URI1: variants seen among roughly 807,000 people sequenced by gnomAD.
URI1 encodes the protein URI1 prefoldin like chaperone.
Under a neutral mutation model 60.2 loss-of-function variants are expected in URI1, and 39 were observed. The ratio of observed to expected loss-of-function variants is 0.65; its 90% CI spans 0.50 to 0.85. The LOEUF (loss-of-function observed/expected upper bound fraction) is 0.85, where lower values mean the gene tolerates loss of function less well. Among genes scored for constraint, URI1 ranks in the 40% least tolerant of loss-of-function variants. The pLI is 0.00. For missense variants in URI1, 691 were observed against 665.9 expected, an observed-to-expected ratio of 1.04 and a Z score of -0.42; for synonymous variants, 251 against 236.8, an observed-to-expected ratio of 1.06 and a Z score of -0.55.
At chr19:29,929,477 A>G (rs1002751327) in intron 1 of URI1, among the ~76,000 whole-genome samples, 98 of 152,090 alleles carry the variant, frequency 6.4e-4, no homozygotes, top group South Asian at 5.8e-3. Context: ...GGTGCCTGTA[A>G]TCCCAGCTAC....
intron 6 of URI1, among the ~76,000 whole-genome samples, chr19:30,006,551 C>T (rs978397194): frequency 6.6e-6 from 1 of 151,966 alleles, no homozygotes; most frequent in African/African-American, 2.4e-5. Context: ...AAATTATGAG[C>T]GCTACAGGTC....
intron 2 of URI1, among the ~76,000 whole-genome samples, chr19:29,983,729 A>C (rs771502223): frequency 6.6e-6 from 1 of 152,206 alleles, no homozygotes; most frequent in East Asian, 1.9e-4. Context: ...GCATCTTGGC[A>C]TAGGCTGCTG....
At chr19:29,960,768 T>G (rs2055312793) in intron 1 of URI1, among the ~76,000 whole-genome samples, 1 of 152,202 alleles carries the variant, frequency 6.6e-6, no homozygotes, top group African/African-American at 2.4e-5. Context: ...TCCTGATATA[T>G]TTAATTTTAT....
At chr19:29,970,171 G>A (rs1013688547) in intron 1 of URI1, among the ~76,000 whole-genome samples, 10 of 140,026 alleles carry the variant, frequency 7.1e-5, no homozygotes, top group African/African-American at 2.7e-4. Context: ...GGACGGGATG[G>A]TGAAACATTG....
At chr19:29,966,137 GATTT>G (rs989712287) in intron 1 of URI1, among the ~76,000 whole-genome samples, 2 of 152,030 alleles carry the variant, frequency 1.3e-5, no homozygotes, top group Admixed American at 6.6e-5. Context: ...TATGGTGGTT[GATTT>G]ATTTATTTAT....
At chr19:30,011,358 G>A (rs768692681) in intron 9 of URI1, 122 bp downstream of exon 9, 103 of 1,310,018 alleles carry the variant, frequency 7.9e-5, no homozygotes, top group Non-Finnish European at 9.9e-5. Flanking sequence ...GAAGTGTTCT[G>A]AGGAGTTAAC....
chr19:29,985,372 A>C, intron 3 of URI1, 71 bp downstream of exon 3: 1 of 1,339,784 alleles, frequency 7.5e-7, no homozygotes, highest in Non-Finnish European at 1.1e-6. Flanking sequence ...GTCGGTTCAC[A>C]GAATGTCAGG....
chr19:29,947,171 T>G (rs1478591464), intron 1 of URI1, among the ~76,000 whole-genome samples: 1 of 152,202 alleles, frequency 6.6e-6, no homozygotes, highest in Non-Finnish European at 1.5e-5. Flanking sequence ...TGTAAGAGTT[T>G]TGGTTTTCAT....
Position 30,005,346 on chromosome 19 carries a change from T to C in URI1, c.368-15T>C. The stretch of plus-strand genomic sequence containing the variant: ...TATGCCATGCTTTACATAATGGTTG[T>C]GTTCATTGTTTCAGATGTAAGAAAA... On this transcript the variant is annotated splice_polypyrimidine_tract_variant and intron_variant, in intron 4 of 10. Coordinates refer to ENST00000392271, the MANE Select transcript of URI1 (RefSeq NM_003796.3). 6.9e-7 allele frequency: 1 copy of C among 1,441,316 alleles called. No individual in the cohort carries two copies. Among genetic ancestry groups the C allele is most frequent in the South Asian group, 1.2e-5 (1 of 82,430 alleles). 89.3% of individuals were successfully genotyped at this position (1,441,316 alleles called of 1,614,324 possible). A position where few individuals can be genotyped will look rare whatever the true frequency, so the allele number is the denominator to read the frequency against.
chr19:29,941,958 GGCGTGGAGCTTCTATA>G (rs1284697551), upstream of URI1, among the ~76,000 whole-genome samples: 1 of 151,796 alleles, frequency 6.6e-6, no homozygotes, highest in Non-Finnish European at 1.5e-5. Context: ...GCGTTTCCTG[GGCGTGGAGCTTCTATA>G]GAATGTAAGC....
intron 1 of URI1, among the ~76,000 whole-genome samples, chr19:29,933,257 TG>T (rs1383111612): frequency 6.6e-6 from 1 of 152,350 alleles, no homozygotes; most frequent in African/African-American, 2.4e-5. Flanking sequence ...TGCGCTTTTT[TG>T]TTGGAAACTT....
At chr19:29,963,588 A>AT (rs1350526125) in intron 1 of URI1, among the ~76,000 whole-genome samples, 2 of 151,604 alleles carry the variant, frequency 1.3e-5, no homozygotes, top group African/African-American at 4.9e-5. Flanking sequence ...TGTTTTATAT[A>AT]TTTTTTCTTT....
At chr19:29,976,874 A>G (rs1599693162) in intron 2 of URI1, among the ~76,000 whole-genome samples, 1 of 152,220 alleles carries the variant, frequency 6.6e-6, no homozygotes, top group South Asian at 2.1e-4. Flanking sequence ...TACTTTGTTC[A>G]GGTGTTTAAT....
At chr19:29,996,314 C>A (rs1157617618) in intron 4 of URI1, among the ~76,000 whole-genome samples, 2 of 152,004 alleles carry the variant, frequency 1.3e-5, no homozygotes, top group Non-Finnish European at 2.9e-5. Context: ...AGTCTTGCAC[C>A]TTCTTAAGAG....
intron 1 of URI1, among the ~76,000 whole-genome samples, chr19:29,968,732 C>T (rs369048450): frequency 9.9e-5 from 15 of 151,204 alleles, no homozygotes; most frequent in South Asian, 2.1e-4. Flanking sequence ...CCACCATGCC[C>T]GGCCATTTTT....
chr19:29,956,555 G>T (rs774993823), intron 1 of URI1: 65 of 1,524,392 alleles, frequency 4.3e-5, no homozygotes, highest in Non-Finnish European at 5.7e-5. Context: ...TTTCCTTCAA[G>T]GATTAATTCA....
intron 4 of URI1, among the ~76,000 whole-genome samples, chr19:30,001,946 T>C (rs2055883682): frequency 6.6e-6 from 1 of 152,006 alleles, no homozygotes; most frequent in South Asian, 2.1e-4. Context: ...TTGTACTGGT[T>C]TAAGAAGGAG....
chr19:29,965,400 G>C (rs2055379947), intron 1 of URI1, among the ~76,000 whole-genome samples: 1 of 152,192 alleles, frequency 6.6e-6, no homozygotes, highest in South Asian at 2.1e-4. Context: ...AATTCAGGCA[G>C]TATTTCAGAT....
At chr19:29,932,939 C>CTGT (rs2054935456) in intron 1 of URI1, among the ~76,000 whole-genome samples, 1 of 152,224 alleles carries the variant, frequency 6.6e-6, no homozygotes, top group African/African-American at 2.4e-5. Flanking sequence ...AGGTGTGAGC[C>CTGT]ACCACACCCG....
Sources: gnomAD v4.1 joint callset for allele counts (sites outside exome capture counted in the v4.1 genomes callset) on GRCh38, gnomAD v4.1.1 for gene constraint, MANE v1.5 for transcripts, NCBI Gene and HGNC (gene_info 2026-07-23, HGNC 2026-07-21) for gene names.